SGCZ: variants seen among roughly 807,000 people sequenced by gnomAD.
SGCZ encodes zeta-sarcoglycan.
SGCZ carries 40 observed loss-of-function variants against 41.3 expected under a neutral mutation model. The observed-to-expected ratio is 0.97, with a 90% CI of 0.75 to 1.26. The LOEUF (loss-of-function observed/expected upper bound fraction) is 1.26. Ranked by LOEUF, SGCZ falls within the 50% of genes most tolerant of loss-of-function variation. SGCZ has a pLI of 0.00. For synonymous variants in SGCZ, 206 were observed against 137.5 expected (o/e 1.50, Z -3.49); for missense variants, 552 against 369.8 (o/e 1.49, Z -4.04).
intron 2 of SGCZ, among the ~76,000 whole-genome samples, chr8:14,395,845 A>C (rs2054356): frequency 6.6e-6 from 1 of 152,004 alleles, no homozygotes; most frequent in Non-Finnish European, 1.5e-5. Flanking sequence ...GTGGCTTCCA[A>C]TACATGTGGA....
At chr8:14,209,199 G>A (rs971762776) in intron 4 of SGCZ, among the ~76,000 whole-genome samples, 6 of 152,172 alleles carry the variant, frequency 3.9e-5, no homozygotes, top group African/African-American at 1.4e-4. Context: ...GTCACATGTT[G>A]TCCAACCAAT....
At chr8:14,475,444 C>T (rs1020048411) in intron 2 of SGCZ, among the ~76,000 whole-genome samples, 11 of 151,210 alleles carry the variant, frequency 7.3e-5, no homozygotes, top group African/African-American at 2.7e-4. Flanking sequence ...TTTAAAGGAT[C>T]ATATCCATGC....
intron 1 of SGCZ, among the ~76,000 whole-genome samples, chr8:14,958,428 C>A (rs576762609): frequency 6.6e-6 from 1 of 151,948 alleles, no homozygotes; most frequent in Non-Finnish European, 1.5e-5. Context: ...AATACTGATA[C>A]GTTAGGTAAC....
intron 1 of SGCZ, among the ~76,000 whole-genome samples, chr8:14,762,985 A>G (rs1799938817): frequency 6.6e-6 from 1 of 152,240 alleles, no homozygotes; most frequent in African/African-American, 2.4e-5. Context: ...CCTGACTTAT[A>G]AAGCAGAATT....
chr8:14,725,112 G>T (rs949737881), intron 1 of SGCZ, among the ~76,000 whole-genome samples: 3 of 152,074 alleles, frequency 2.0e-5, no homozygotes, highest in Non-Finnish European at 4.4e-5. Flanking sequence ...GTCTTTCTGT[G>T]CTTGGCTTAT....
At chr8:14,170,566 A>G (rs1804347862) in intron 4 of SGCZ, among the ~76,000 whole-genome samples, 2 of 152,108 alleles carry the variant, frequency 1.3e-5, no homozygotes, top group Non-Finnish European at 1.5e-5. Flanking sequence ...ACTTCTATTG[A>G]CTACATTGTC....
chr8:14,247,680 T>C (rs1403669963), intron 3 of SGCZ, among the ~76,000 whole-genome samples: 2 of 152,194 alleles, frequency 1.3e-5, no homozygotes, highest in Admixed American at 1.3e-4. Flanking sequence ...TTAGCACTTC[T>C]ATGTTGGGTT....
At chr8:15,190,995 C>G (rs929158681) in intron 1 of SGCZ, among the ~76,000 whole-genome samples, 2 of 151,884 alleles carry the variant, frequency 1.3e-5, no homozygotes, top group African/African-American at 4.8e-5. Context: ...AATGTGATTC[C>G]AATCATTTTA....
chr8:14,755,085 G>A (rs1030968677), intron 1 of SGCZ, among the ~76,000 whole-genome samples: 1 of 151,936 alleles, frequency 6.6e-6, no homozygotes, highest in Non-Finnish European at 1.5e-5. Context: ...TCTTATTCAT[G>A]TTGTTTATTC....
chr8:14,860,708 G>GAAAGAAAGAA (rs1554513265), intron 1 of SGCZ, among the ~76,000 whole-genome samples: 298 of 132,750 alleles, frequency 2.2e-3, no homozygotes, highest in African/African-American at 3.6e-3. Context: ...AAGAAAGAAA[G>GAAAGAAAGAA]AGAAAGAAAG....
At chr8:14,262,568 T>G (rs957173916) in intron 3 of SGCZ, among the ~76,000 whole-genome samples, 3 of 151,938 alleles carry the variant, frequency 2.0e-5, no homozygotes, top group African/African-American at 7.2e-5. Context: ...TAAAAATTAT[T>G]CTAATTTCCA....
At chr8:14,830,960 G>A (rs1179839116) in intron 1 of SGCZ, among the ~76,000 whole-genome samples, 1 of 152,174 alleles carries the variant, frequency 6.6e-6, no homozygotes, top group Admixed American at 6.5e-5. Flanking sequence ...AATTTAGGAA[G>A]TGGAAGTGTA....
chr8:14,172,453 C>T (rs1353817234), intron 4 of SGCZ, among the ~76,000 whole-genome samples: 1 of 152,138 alleles, frequency 6.6e-6, no homozygotes, highest in Non-Finnish European at 1.5e-5. Context: ...AATCCCACTG[C>T]TAAACTGAAA....
chr8:15,169,869 T>C (rs2117060224), intron 1 of SGCZ, among the ~76,000 whole-genome samples: 1 of 152,330 alleles, frequency 6.6e-6, no homozygotes, highest in East Asian at 1.9e-4. Context: ...CTCAGTCCAC[T>C]GCACATGGTT....
At chr8:15,009,381 C>T (rs368500602) in intron 1 of SGCZ, among the ~76,000 whole-genome samples, 1 of 27,124 alleles carries the variant, frequency 3.7e-5, no homozygotes, top group Admixed American at 4.6e-4. Flanking sequence ...AATCATCTCC[C>T]GCCAGGCCCC....
intron 3 of SGCZ, among the ~76,000 whole-genome samples, chr8:14,303,733 T>C (rs758166060): frequency 6.6e-6 from 1 of 152,034 alleles, no homozygotes; most frequent in Non-Finnish European, 1.5e-5. Flanking sequence ...TATATATATA[T>C]AGATATCAAA....
At chr8:15,057,851 T>C (rs142488317) in intron 1 of SGCZ, among the ~76,000 whole-genome samples, 226 of 152,336 alleles carry the variant, frequency 1.5e-3, no homozygotes, top group Admixed American at 4.1e-3. Flanking sequence ...ATCTTTCTTA[T>C]CATGTAGTCA....
chr8:14,425,064 C>T (rs1254573755), intron 2 of SGCZ, among the ~76,000 whole-genome samples: 1 of 151,964 alleles, frequency 6.6e-6, no homozygotes, highest in African/African-American at 2.4e-5. Flanking sequence ...TTTTTTATTC[C>T]ATTTTTAAAT....
chr8:14,448,822 C>T (rs1800509028), intron 2 of SGCZ, among the ~76,000 whole-genome samples: 1 of 151,170 alleles, frequency 6.6e-6, no homozygotes, highest in South Asian at 2.1e-4. Context: ...TGACTCTTCC[C>T]TATACTACTA....
Sources: allele counts gnomAD v4.1 joint callset (sites outside exome capture counted in the v4.1 genomes callset), GRCh38; gene constraint gnomAD v4.1.1; transcripts MANE v1.5; gene names NCBI Gene and HGNC (gene_info 2026-07-23, HGNC 2026-07-21).